Variants in ASXL3 observed in about 807,000 individuals in gnomAD.
ASXL3 encodes ASXL transcriptional regulator 3, also known as putative Polycomb group protein ASXL3.
Under a neutral mutation model 170.6 loss-of-function variants are expected in ASXL3, and 34 were observed. The observed-to-expected ratio is 0.20, with a 90% confidence interval of 0.15 to 0.27. ASXL3 has a LOEUF of 0.27. Ranked by LOEUF, ASXL3 falls within the 10% of genes least tolerant of loss-of-function variation. ASXL3 has a pLI of 1.00. For synonymous variants in ASXL3, 1,002 were observed against 989.1 expected, an observed-to-expected ratio of 1.01 and a Z score of -0.24; for missense variants, 2,592 against 2,695.3, an observed-to-expected ratio of 0.96 and a Z score of 0.85.
At chr18:33,742,839 G>A (rs1195265587) in intron 11 of ASXL3, 49 bp from the exon 12 acceptor site, 3 of 1,523,660 alleles carry the variant, frequency 2.0e-6, no homozygotes, top group South Asian at 2.7e-5. Context: ...TGCCTCCTCT[G>A]TGATCATGTA....
chr18:33,592,479 G>A (rs774932249), intron 1 of ASXL3, among the ~76,000 whole-genome samples: 1 of 152,106 alleles, frequency 6.6e-6, no homozygotes, highest in Non-Finnish European at 1.5e-5. Flanking sequence ...CTCACTTGCA[G>A]CTTTTGAGGG....
At chr18:33,578,750 T>A in intron 1 of ASXL3, 65 bp downstream of exon 1, 1 of 1,039,884 alleles carries the variant, frequency 9.6e-7, no homozygotes, top group Non-Finnish European at 1.2e-6. Flanking sequence ...CCCGCGCCGG[T>A]CCGCGGCGGC....
At chr18:33,615,459 T>C (rs1599398818) in intron 2 of ASXL3, among the ~76,000 whole-genome samples, 1 of 152,074 alleles carries the variant, frequency 6.6e-6, no homozygotes, top group Non-Finnish European at 1.5e-5. Flanking sequence ...ATAACAGATA[T>C]GATAATAATG....
At chr18:33,719,354 C>T (rs1434140273) in intron 8 of ASXL3, among the ~76,000 whole-genome samples, 1 of 151,912 alleles carries the variant, frequency 6.6e-6, no homozygotes, top group Non-Finnish European at 1.5e-5. Flanking sequence ...TAGAATTTTC[C>T]CTTCTTGTAC....
In ASXL3 at chr18:33,743,054, A is replaced by AGGCTGCTGCAGCTGCTGCTGT. The variant is rs748787361; in HGVS notation, c.3219_3239dup (p.Ala1074_Ala1080dup). Reference sequence around the variant, plus strand: ...GCCCAACAAGCTCGGGCCCAGCGAGAGGCTGCTGCAGCTGCTGCTGTGGCT... The same window carrying AGGCTGCTGCAGCTGCTGCTGT: ...GCCCAACAAGCTCGGGCCCAGCGAGAGGCTGCTGCAGCTGCTGCTGTGGCTGCTGCAGCTGCTGCTGTGGCT... On this transcript the variant is annotated inframe_insertion, in exon 12 of 12. Transcript: ENST00000269197. 30 of 1,613,088 alleles carry AGGCTGCTGCAGCTGCTGCTGT rather than the reference A, an allele frequency of 1.9e-5. No homozygotes were observed. The highest frequency in any genetic ancestry group is 2.3e-5 in the Non-Finnish European group (27 of 1,179,746).
In ASXL3 at chr18:33,719,723, G is replaced by C. The variant is rs2047572725; in HGVS notation, c.880-12245G>C. On this transcript the variant is annotated intron_variant, in intron 8 of 11. Transcript: ENST00000269197. ...ATGAATGGGATTAGTTCTCTTATAA[G>C]AAACCCCAGAAATCTAGCTAGTCCC... is the stretch of plus-strand genomic sequence containing the variant. Among the ~76,000 whole-genome samples the C allele has an allele frequency of 2.0e-5, 3 of 151,948 alleles. No individual in the cohort carries two copies. The South Asian group carries it at 6.2e-4, about 31-fold the overall frequency.
intron 8 of ASXL3, 32 bp downstream of exon 8, chr18:33,683,600 C>T (rs2066548279): frequency 1.3e-6 from 2 of 1,575,062 alleles, no homozygotes; most frequent in Middle Eastern, 3.4e-4. Flanking sequence ...TTGATACCAG[C>T]CACTAGTTAT....
At chr18:33,675,907 T>C (rs4799709) in intron 7 of ASXL3, among the ~76,000 whole-genome samples, 9,983 of 151,890 alleles carry the variant, frequency 0.066, 357 homozygotes, top group South Asian at 0.099. Flanking sequence ...CAATTTTAAA[T>C]GTTAAGTTGA....
intron 2 of ASXL3, chr18:33,626,475 C>T (rs2065605555): frequency 6.6e-6 from 1 of 150,858 alleles, no homozygotes; most frequent in Non-Finnish European, 1.5e-5. Context: ...TCAAATAGAC[C>T]TTCAGGGGTT....
intron 2 of ASXL3, among the ~76,000 whole-genome samples, chr18:33,633,230 T>A (rs959609006): frequency 3.9e-5 from 6 of 152,204 alleles, no homozygotes; most frequent in African/African-American, 1.4e-4. Flanking sequence ...GGAAATACAA[T>A]CTTTTTATTT....
chr18:33,728,769 G>A (rs942217449), intron 8 of ASXL3, among the ~76,000 whole-genome samples: 4 of 152,044 alleles, frequency 2.6e-5, no homozygotes, highest in Admixed American at 6.6e-5. Context: ...GAAATACTCC[G>A]ATACCCTTTC....
chr18:33,734,839 T>C (rs1028238047), intron 10 of ASXL3, among the ~76,000 whole-genome samples: 8 of 152,186 alleles, frequency 5.3e-5, no homozygotes, highest in Non-Finnish European at 8.8e-5. Flanking sequence ...GTTTAGTCCT[T>C]CTTTTGGGGA....
At position 33,593,445 on chromosome 18, in the gene ASXL3, A is replaced by T. The variant is rs1157785655; in HGVS notation, c.55-14149A>T. On this transcript the variant is annotated intron_variant, in intron 1 of 11. Transcript: ENST00000269197. ...CTCTTCCTTAGATATCCCATGCAGAAACTCCTGGCAGCTCACAGATTCCCC... is the reference window on the plus strand; with the variant it reads ...CTCTTCCTTAGATATCCCATGCAGATACTCCTGGCAGCTCACAGATTCCCC... Among the ~76,000 whole-genome samples, 4 of 151,732 alleles carry T rather than the reference A, an allele frequency of 2.6e-5. No homozygotes were observed. In the East Asian group the frequency reaches 7.8e-4, roughly 29 times the overall value.
chr18:33,729,061 C>CA (rs2145390664), intron 8 of ASXL3, among the ~76,000 whole-genome samples: 1 of 152,266 alleles, frequency 6.6e-6, no homozygotes, highest in South Asian at 2.1e-4. Context: ...GCATGAAGCC[C>CA]AAGCTCTTTA....
At chr18:33,733,339 C>T (rs1362933976) in intron 9 of ASXL3, among the ~76,000 whole-genome samples, 1 of 152,144 alleles carries the variant, frequency 6.6e-6, no homozygotes, top group African/African-American at 2.4e-5. Flanking sequence ...TCTTCTGTTT[C>T]CTCTATTTCT....
At chr18:33,742,553 T>C (rs1488650770) in intron 11 of ASXL3, among the ~76,000 whole-genome samples, 1 of 152,208 alleles carries the variant, frequency 6.6e-6, no homozygotes, top group Non-Finnish European at 1.5e-5. Context: ...TTAAATATCT[T>C]GAAGTCTTTC....
intron 8 of ASXL3, among the ~76,000 whole-genome samples, chr18:33,726,868 C>T (rs1466295726): frequency 1.3e-5 from 2 of 152,146 alleles, no homozygotes; most frequent in Non-Finnish European, 2.9e-5. Flanking sequence ...CCTGTCCCCT[C>T]CGCTCCTCTT....
At chr18:33,701,637 C>G (rs1293755223) in intron 8 of ASXL3, among the ~76,000 whole-genome samples, 1 of 151,868 alleles carries the variant, frequency 6.6e-6, no homozygotes, top group Admixed American at 6.6e-5. Context: ...ATGACAAGTC[C>G]TTTTTCTCTT....
rs192856117 is a variant in ASXL3, at chr18:33,698,948, C to T, written c.879+15380C>T. On this transcript the variant is annotated intron_variant, in intron 8 of 11. Transcript: ENST00000269197. ...GCTCATGGCCAAGGCTGTGCCCGTT[C>T]GTGCTATAGGGAAAGTTGCTTCACT... Among the ~76,000 whole-genome samples the T allele has an allele frequency of 3.9e-5, 6 of 152,152 alleles. No homozygotes were observed. The East Asian group carries it at 5.8e-4, about 15-fold the overall frequency.
Sources: allele counts gnomAD v4.1 joint callset (sites outside exome capture counted in the v4.1 genomes callset), GRCh38; gene constraint gnomAD v4.1.1; transcripts MANE v1.5; gene names NCBI Gene and HGNC (gene_info 2026-07-23, HGNC 2026-07-21).